Variants in TMPO observed in about 807,000 individuals in gnomAD.
TMPO encodes LEM domain containing 4.
In TMPO, 22 loss-of-function variants were observed where a neutral mutation model predicts 45.4. The observed-to-expected ratio is 0.48, with a 90% confidence interval of 0.35 to 0.69. The LOEUF (loss-of-function observed/expected upper bound fraction) is 0.69. Ranked by LOEUF, TMPO falls within the 30% of genes least tolerant of loss-of-function variation. TMPO has a pLI of 0.01. For missense variants in TMPO, 512 were observed against 548.8 expected, an observed-to-expected ratio of 0.93 and a Z score of 0.67; for synonymous variants, 241 against 204.1, an observed-to-expected ratio of 1.18 and a Z score of -1.54.
At chr12:98,518,392 C>T (rs1467180103) in intron 1 of TMPO, among the ~76,000 whole-genome samples, 6 of 151,386 alleles carry the variant, frequency 4.0e-5, no homozygotes, top group Non-Finnish European at 7.4e-5. Context: ...CTTTGGCTCA[C>T]GAGAGCCTCC....
rs1878138720 is a variant in TMPO at position 98,545,000 on chromosome 12, C to T, written c.929C>T (p.Pro310Leu). ...GNFKHASPIL[P>L]ITEFSDIPRR... ...TTCAAGCATGCATCTCCTATTCTGC[C>T]AATCACTGAATTCTCAGACATACCC... Residue 310 changes from proline to leucine, a missense_variant, in exon 7 of 9, where the codon CCA becomes CTA. Around this residue, in one of 3 missense-constraint regions of TMPO, gnomAD observed 209 missense variants for 235.1 expected, o/e 0.89. Transcript: ENST00000556029. 5.0e-6 allele frequency: 8 copies of T among 1,613,582 alleles called. No homozygotes were observed. Among genetic ancestry groups the T allele is most frequent in the Non-Finnish European group, 6.8e-6 (8 of 1,179,938 alleles).
chr12:98,517,007 C>T (rs914260525), intron 1 of TMPO, among the ~76,000 whole-genome samples: 4 of 152,134 alleles, frequency 2.6e-5, no homozygotes, highest in Admixed American at 2.0e-4. Flanking sequence ...GACGGGGTTT[C>T]TCCAAGTTGG....
Position 98,516,528 on chromosome 12 carries a change from A to T in TMPO, c.279+382A>T, listed in dbSNP as rs542567536. ...CCCAAAATGCTATAGGTTAAGTTCGAGCGTTTTCCCGCTTTATTAACTGAA... is the reference window on the plus strand; with the variant it reads ...CCCAAAATGCTATAGGTTAAGTTCGTGCGTTTTCCCGCTTTATTAACTGAA... On this transcript the variant is annotated intron_variant, in intron 1 of 8. Coordinates refer to ENST00000556029, the MANE Select transcript of TMPO (RefSeq NM_001032283.3). 1.0e-4 allele frequency: 109 copies of T among 1,044,786 alleles called. No individual in the cohort carries two copies. The African/African-American group carries it at 1.6e-3, about 16-fold the overall frequency. The allele number at this position is 1,044,786 out of a possible 1,614,324, so 64.7% of individuals were successfully genotyped here.
chr12:98,524,842 C>G (rs1011821541), intron 1 of TMPO, among the ~76,000 whole-genome samples: 1 of 152,178 alleles, frequency 6.6e-6, no homozygotes, highest in African/African-American at 2.4e-5. Flanking sequence ...GATCCACCCA[C>G]CTTGGTCTCC....
chr12:98,516,362 T>C, intron 1 of TMPO: 1 of 1,217,742 alleles, frequency 8.2e-7, no homozygotes, highest in Non-Finnish European at 1.0e-6. Context: ...TTCTTTGACG[T>C]GTGGGTCTGG....
At chr12:98,531,868 T>C in intron 3 of TMPO, 30 bp downstream of exon 3, 2 of 1,595,140 alleles carry the variant, frequency 1.3e-6, no homozygotes, top group Non-Finnish European at 1.7e-6. Context: ...TAATCAAATG[T>C]ATGGAATTTT....
rs879040481 is a variant in TMPO, at chr12:98,533,530, C to A, written c.565+1692C>A. 3 of 1,614,024 alleles carry A rather than the reference C, an allele frequency of 1.9e-6. No homozygotes were observed. The highest frequency in any genetic ancestry group is 2.2e-5 in the South Asian group (2 of 91,076). On this transcript the variant is annotated intron_variant, in intron 3 of 8. Transcript: ENST00000556029. ...GTTTCAAGAAACTGAATTCCTGTCT[C>A]CTCCAAGAAAAGTCCCTAGACTGAG...
intron 4 of TMPO, among the ~76,000 whole-genome samples, chr12:98,543,263 A>G (rs1878031687): frequency 6.6e-6 from 1 of 152,258 alleles, no homozygotes; most frequent in South Asian, 2.1e-4. Flanking sequence ...AGGACACTCT[A>G]CTATAATACT....
At chr12:98,523,975 A>C (rs1361732300) in intron 1 of TMPO, among the ~76,000 whole-genome samples, 3 of 152,130 alleles carry the variant, frequency 2.0e-5, no homozygotes, top group African/African-American at 7.2e-5. Context: ...CACTGCCGAG[A>C]ATTGGTTTTT....
Position 98,515,893 on chromosome 12 carries a change from C to A in TMPO, c.26C>A (p.Ser9Ter). 2 of 1,613,730 alleles carry A rather than the reference C, an allele frequency of 1.2e-6. No homozygotes were observed. The highest frequency in any genetic ancestry group is 1.7e-6 in the Non-Finnish European group (2 of 1,179,800). Residue 9 changes from serine to a stop codon, truncating the protein, a stop_gained, in exon 1 of 9, where the codon TCG becomes TAG. Transcript: ENST00000556029. LOFTEE classifies it high-confidence loss of function. MPEFLEDP[S>*]VLTKDKLKSE... ...ATGCCGGAGTTCCTGGAAGACCCCT[C>A]GGTCCTGACAAAAGACAAGTTGAAG... is the stretch of plus-strand genomic sequence containing the variant.
At chr12:98,527,785 C>A (rs1280069475) in intron 1 of TMPO, 101 bp from the exon 2 acceptor site, 6 of 1,396,994 alleles carry the variant, frequency 4.3e-6, no homozygotes, top group Non-Finnish European at 6.0e-6. Context: ...TTACTATAAA[C>A]CAATTTGGTA....
intron 1 of TMPO, among the ~76,000 whole-genome samples, chr12:98,518,470 C>T (rs1305239956): frequency 4.9e-4 from 41 of 83,502 alleles, no homozygotes; most frequent in Middle Eastern, 9.8e-3. Context: ...ATTTTCTAAT[C>T]TTTTTTTTTT....
intron 4 of TMPO, among the ~76,000 whole-genome samples, chr12:98,537,875 T>C (rs898924924): frequency 2.0e-5 from 3 of 151,436 alleles, no homozygotes; most frequent in South Asian, 2.1e-4. Flanking sequence ...CTAGACACTT[T>C]TGATACAATT....
At position 98,545,044 on chromosome 12, in the gene TMPO, C is replaced by G. The variant is rs1156265036; in HGVS notation, c.973C>G (p.Pro325Ala). ...SDIPRRAPKK[P>A]LTRAEVGEKT... is the part of the protein sequence containing the mutation. ...CATACCCAGAAGAGCACCAAAGAAA[C>G]CATTGACAAGAGCTGAAGTAAATGA... Residue 325 changes from proline to alanine, a missense_variant, in exon 7 of 9, where the codon CCA becomes GCA. By Grantham distance (27) the Pro-to-Ala change is conservative. Transcript: ENST00000556029. The G allele has an allele frequency of 2.5e-6, 4 of 1,611,842 alleles. No individual in the cohort carries two copies. The highest frequency in any genetic ancestry group is 3.4e-6 in the Non-Finnish European group (4 of 1,178,454).
chr12:98,523,042 A>T (rs1876489292), intron 1 of TMPO, among the ~76,000 whole-genome samples: 1 of 152,218 alleles, frequency 6.6e-6, no homozygotes, highest in African/African-American at 2.4e-5. Flanking sequence ...ATCATCGGGT[A>T]GCATAGTAGG....
rs1877883132 is a variant in TMPO, at chr12:98,540,999, G to T, written c.664-3231G>T. On this transcript the variant is annotated intron_variant, in intron 4 of 8. Coordinates refer to ENST00000556029, the MANE Select transcript of TMPO (RefSeq NM_001032283.3). ...TATTGCCTAGGTCTATTATTTTGAG[G>T]TTTTTTTTATGTATTGAATTTATGA... Among the ~76,000 whole-genome samples, 3 of 151,762 alleles carry T rather than the reference G, an allele frequency of 2.0e-5. No homozygotes were observed. The South Asian group carries it at 6.2e-4, about 32-fold the overall frequency.
At chr12:98,527,523 A>G (rs1476908773) in intron 1 of TMPO, 30 of 197,614 alleles carry the variant, frequency 1.5e-4, no homozygotes, top group South Asian at 8.6e-4. Flanking sequence ...ACCCTGTATC[A>G]TTAAAAAAAA....
Position 98,544,258 on chromosome 12 carries a change from C to T in TMPO, c.692C>T (p.Thr231Ile), listed in dbSNP as rs1878084894. The T allele has an allele frequency of 6.2e-7, 1 of 1,613,798 alleles. No individual in the cohort carries two copies. Among genetic ancestry groups the T allele is most frequent in the South Asian group, 1.1e-5 (1 of 91,082 alleles). ...TATTCTCAAGCTGGAATAACTGAGA[C>T]TGAATGGACAAGTGGATCTTCAAAA... ...QSYSQAGITE[T>I]EWTSGSSKGG... Residue 231 changes from threonine to isoleucine, a missense_variant, in exon 5 of 9, where the codon ACT becomes ATT. Physicochemically the swap from Thr to Ile is moderately conservative, Grantham distance 89 (BLOSUM62 -1). This residue lies in a region of TMPO where 299 missense variants were observed against 296.7 expected (regional missense o/e 1.01). Transcript: ENST00000556029.
chr12:98,549,925 G>A lies in TMPO; in HGVS notation c.*2067G>A, dbSNP rs1261008711. The A allele has an allele frequency of 2.0e-5, 3 of 151,624 alleles. No individual in the cohort carries two copies. The highest frequency in any genetic ancestry group is 4.2e-4 in the South Asian group (2 of 4,802). The allele number at this position is 151,624 out of a possible 1,614,324, so 9.4% of individuals were successfully genotyped here. On this transcript the variant is annotated 3_prime_UTR_variant, in exon 9 of 9. Transcript: ENST00000556029. ...AAATGTTTGCCTCTCTGAGTAAAATGTTTCTTTCAGATGAGCCATAGAGGG... is the reference window on the plus strand; with the variant it reads ...AAATGTTTGCCTCTCTGAGTAAAATATTTCTTTCAGATGAGCCATAGAGGG...
Sources: allele counts gnomAD v4.1 joint callset (sites outside exome capture counted in the v4.1 genomes callset), GRCh38; gene constraint gnomAD v4.1.1; regional missense constraint gnomAD v4.1.1; transcripts MANE v1.5; gene names NCBI Gene and HGNC (gene_info 2026-07-23, HGNC 2026-07-21).